SCMH1: variants seen among roughly 807,000 people sequenced by gnomAD.
SCMH1 encodes Scm polycomb group protein homolog 1.
In SCMH1, 37 loss-of-function variants were observed where a neutral mutation model predicts 70.8. The ratio of observed to expected loss-of-function variants is 0.52; its 90% confidence interval spans 0.40 to 0.69. The LOEUF is 0.69. Ranked by LOEUF, SCMH1 falls within the 30% of genes least tolerant of loss-of-function variation. The pLI, the probability that SCMH1 is intolerant of heterozygous loss-of-function variation, is 0.00. For missense variants in SCMH1, 607 were observed against 827.3 expected (o/e 0.73, Z 3.27); for synonymous variants, 292 against 307.4 (o/e 0.95, Z 0.52).
intron 10 of SCMH1, among the ~76,000 whole-genome samples, chr1:41,057,307 C>T (rs1003002559): frequency 5.3e-5 from 8 of 152,100 alleles, no homozygotes; most frequent in African/African-American, 1.4e-4. Flanking sequence ...GCTCTGTCGC[C>T]CAGGCCGGAG....
intron 1 of SCMH1, among the ~76,000 whole-genome samples, chr1:41,220,642 C>G (rs532658055): frequency 6.6e-6 from 1 of 152,346 alleles, no homozygotes; most frequent in Admixed American, 6.5e-5. Context: ...ACGGTGACTT[C>G]TACATGCTAG....
intron 1 of SCMH1, among the ~76,000 whole-genome samples, chr1:41,211,901 C>A (rs971398982): frequency 4.6e-5 from 7 of 152,086 alleles, no homozygotes; most frequent in Non-Finnish European, 1.0e-4. Context: ...TAATTCTTAG[C>A]AAACTATCAC....
intron 12 of SCMH1, chr1:41,043,998 C>T (rs2148660117): frequency 6.6e-6 from 1 of 150,540 alleles, no homozygotes; most frequent in South Asian, 2.1e-4. Flanking sequence ...TTCATGGTTG[C>T]TTATTGTTCT....
chr1:41,205,890 T>C (rs974377946), intron 1 of SCMH1, among the ~76,000 whole-genome samples: 1 of 152,192 alleles, frequency 6.6e-6, no homozygotes, highest in Non-Finnish European at 1.5e-5. Context: ...CCGCTGGTGA[T>C]ACCCAAGCAA....
intron 13 of SCMH1, among the ~76,000 whole-genome samples, chr1:41,034,786 C>T (rs929265313): frequency 6.6e-6 from 1 of 152,194 alleles, no homozygotes; most frequent in Non-Finnish European, 1.5e-5. Context: ...CCTATGAAAG[C>T]TCATGTTCTT....
intron 7 of SCMH1, among the ~76,000 whole-genome samples, chr1:41,115,757 A>T (rs1217184581): frequency 2.0e-5 from 3 of 152,214 alleles, no homozygotes; most frequent in Non-Finnish European, 2.9e-5. Flanking sequence ...TTTTGATAAA[A>T]GTTCATCTGG....
chr1:41,140,087 G>A (rs1351345775), intron 6 of SCMH1, among the ~76,000 whole-genome samples: 2 of 152,076 alleles, frequency 1.3e-5, no homozygotes, highest in Non-Finnish European at 2.9e-5. Flanking sequence ...AATCAAACTG[G>A]TGGTAGTGTT....
chr1:41,058,118 C>CAAA (rs201623540), intron 10 of SCMH1, among the ~76,000 whole-genome samples: 4 of 54,850 alleles, frequency 7.3e-5, no homozygotes, highest in African/African-American at 2.8e-4. Flanking sequence ...GAGATTGTCT[C>CAAA]AAAAAAAAAA....
chr1:41,034,617 G>A (rs1237510822), intron 13 of SCMH1, among the ~76,000 whole-genome samples: 4 of 152,028 alleles, frequency 2.6e-5, no homozygotes, highest in Admixed American at 6.6e-5. Flanking sequence ...ATAAGCCACC[G>A]TGCCCGGCCG....
chr1:41,171,499 G>A (rs1223599464), intron 2 of SCMH1, among the ~76,000 whole-genome samples: 2 of 151,404 alleles, frequency 1.3e-5, no homozygotes, highest in Non-Finnish European at 2.9e-5. Context: ...GAATGGCCTT[G>A]TGGTAAAACC....
chr1:41,088,240 A>T (rs1282084177), intron 8 of SCMH1, among the ~76,000 whole-genome samples: 2 of 152,174 alleles, frequency 1.3e-5, no homozygotes, highest in East Asian at 3.9e-4. Context: ...ATTGGAGGAT[A>T]AACCAGAAAA....
intron 6 of SCMH1, among the ~76,000 whole-genome samples, chr1:41,119,138 G>T (rs1354158787): frequency 1.3e-5 from 2 of 152,130 alleles, no homozygotes; most frequent in Non-Finnish European, 1.5e-5. Flanking sequence ...TTTAAAACTG[G>T]CAATGTATGG....
At chr1:41,225,685 G>A (rs1393444253) in intron 1 of SCMH1, among the ~76,000 whole-genome samples, 3 of 152,212 alleles carry the variant, frequency 2.0e-5, no homozygotes, top group Admixed American at 6.5e-5. Context: ...TTAATTCTAA[G>A]CAAAGGAAAG....
At position 41,235,059 on chromosome 1, in the gene SCMH1, G is replaced by A. The variant is rs1009810129; in HGVS notation, c.-118+7000C>T. On this transcript the variant is annotated intron_variant, in intron 1 of 14. Transcript: ENST00000337495. ...TTCCCAAAGTGCTGGACTTACAGGT[G>A]TGAGTTACCATGCCCAATGCATTTT... 8.5e-5 allele frequency among the ~76,000 whole-genome samples: 13 copies of A among 152,132 alleles called. 1 individual carries two copies. Among genetic ancestry groups the A allele is most frequent in the Non-Finnish European group, 1.5e-5 (1 of 68,034 alleles).
At chr1:41,217,239 G>C (rs1277568504) in intron 1 of SCMH1, among the ~76,000 whole-genome samples, 1 of 152,152 alleles carries the variant, frequency 6.6e-6, no homozygotes, top group Non-Finnish European at 1.5e-5. Context: ...CAGAAAACTT[G>C]TCCGAATTAT....
At chr1:41,042,280 G>C (rs893313745) in intron 12 of SCMH1, among the ~76,000 whole-genome samples, 1 of 150,556 alleles carries the variant, frequency 6.6e-6, no homozygotes, top group Non-Finnish European at 1.5e-5. Flanking sequence ...ATGGAGTTTC[G>C]CTCTGTCATC....
At chr1:41,030,302 T>A (rs1445064050) in intron 13 of SCMH1, among the ~76,000 whole-genome samples, 1 of 152,196 alleles carries the variant, frequency 6.6e-6, no homozygotes, top group African/African-American at 2.4e-5. Flanking sequence ...CCTTTGCATA[T>A]GAAATGAAAT....
At chr1:41,070,538 AAGTG>A in intron 10 of SCMH1, 53 bp downstream of exon 10, 1 of 1,597,500 alleles carries the variant, frequency 6.3e-7, no homozygotes, top group Non-Finnish European at 8.5e-7. Context: ...AGACAAAAGA[AAGTG>A]CAAACACTAG....
intron 2 of SCMH1, among the ~76,000 whole-genome samples, chr1:41,171,930 G>A (rs1213725327): frequency 7.2e-5 from 11 of 152,108 alleles, no homozygotes; most frequent in African/African-American, 1.7e-4. Flanking sequence ...GGTGGCTCAC[G>A]CCTGTAATCC....
Sources: allele counts gnomAD v4.1 joint callset (sites outside exome capture counted in the v4.1 genomes callset), GRCh38; gene constraint gnomAD v4.1.1; transcripts MANE v1.5; gene names NCBI Gene and HGNC (gene_info 2026-07-23, HGNC 2026-07-21).